Variants in BPIFB6 observed in about 807,000 individuals in gnomAD.
The protein encoded by BPIFB6 is BPI fold-containing family B member 6.
A neutral mutation model predicts 54.7 loss-of-function variants in BPIFB6; 47 were observed. That is an observed-to-expected ratio of 0.86 (90% CI 0.68 to 1.10). The LOEUF (loss-of-function observed/expected upper bound fraction) is 1.10, where lower values mean the gene tolerates loss of function less well. Ranked by LOEUF, BPIFB6 falls within the 50% of genes least tolerant of loss-of-function variation. The pLI is 0.00. For missense variants in BPIFB6, 603 were observed against 564.1 expected, an observed-to-expected ratio of 1.07 and a Z score of -0.70; for synonymous variants, 255 against 225.9, an observed-to-expected ratio of 1.13 and a Z score of -1.16.
At chr20:33,042,139 C>T in intron 12 of BPIFB6, 124 bp downstream of exon 12, 5 of 916,912 alleles carry the variant, frequency 5.5e-6, no homozygotes, top group East Asian at 2.6e-5. Context: ...CACTGTGAGG[C>T]GTGGCGCACC....
At chr20:33,035,509 C>A in intron 5 of BPIFB6, 103 bp from the exon 6 acceptor site, 2 of 1,239,806 alleles carry the variant, frequency 1.6e-6, no homozygotes, top group Non-Finnish European at 2.4e-6. Flanking sequence ...TCCCCAGTCC[C>A]TGTCCCACCA....
In BPIFB6 at chr20:33,032,997, C is replaced by G; in HGVS notation, c.111C>G (p.Ala37=). ...TCTCCACTCCAGAGGTCCAGAGCGC[C>G]ATGGATGAGAGTCATATCCTGGAGA... The part of the protein sequence containing the change: ...GMDIMNQVQS[A]MDESHILEKM... Residue 37 remains alanine, a synonymous_variant, in exon 2 of 15, where the codon GCC becomes GCG. Transcript: ENST00000349552. 1 of 1,613,784 alleles carries G rather than the reference C, an allele frequency of 6.2e-7. No homozygotes were observed. Among genetic ancestry groups the G allele is most frequent in the Non-Finnish European group, 8.5e-7 (1 of 1,179,794 alleles).
intron 1 of BPIFB6, among the ~76,000 whole-genome samples, chr20:33,032,460 C>T (rs1390753553): frequency 6.6e-6 from 1 of 152,102 alleles, no homozygotes; most frequent in Non-Finnish European, 1.5e-5. Context: ...AGAGGAGTCC[C>T]CTAATCACCT....
In BPIFB6 at chr20:33,039,604, A is replaced by T. The variant is rs796669572; in HGVS notation, c.1074+84A>T. The T allele has an allele frequency of 1.1e-5, 16 of 1,392,060 alleles. No individual in the cohort carries two copies. The African/African-American group carries it at 2.0e-4, about 18-fold the overall frequency. 86.2% of individuals were successfully genotyped at this position (1,392,060 alleles called of 1,614,324 possible). A position where few individuals can be genotyped will look rare whatever the true frequency, so the allele number is the denominator to read the frequency against. ...AGGATGGGATTTTTAGTTGACAGCC[A>T]AGTCATGGATCAGAGGGATCAGTTA... On this transcript the variant is annotated intron_variant, in intron 10 of 14. Transcript: ENST00000349552.
At chr20:33,035,962 T>C (rs1477395560) in intron 6 of BPIFB6, among the ~76,000 whole-genome samples, 2 of 152,142 alleles carry the variant, frequency 1.3e-5, no homozygotes, top group South Asian at 2.1e-4. Flanking sequence ...GCCTATGTAG[T>C]AATCCCGATG....
At position 33,031,891 on chromosome 20, in the gene BPIFB6, T is replaced by C. The variant is rs114528640; in HGVS notation, c.97+147T>C. 2.1e-3 allele frequency: 1,424 copies of C among 671,540 alleles called. 16 individuals are homozygous for C. The African/African-American group carries it at 0.022, about 11-fold the overall frequency. The allele number at this position is 671,540 out of a possible 1,614,324, so 41.6% of individuals were successfully genotyped here. On this transcript the variant is annotated intron_variant, in intron 1 of 14. Coordinates refer to ENST00000349552, the MANE Select transcript of BPIFB6 (RefSeq NM_174897.2). Reference sequence around the variant, plus strand: ...CAAGTGTTATTATTATTCTCCCACTTTACAGAGGGGAGAAACCAAGGACCA... The same window carrying C: ...CAAGTGTTATTATTATTCTCCCACTCTACAGAGGGGAGAAACCAAGGACCA...
intron 2 of BPIFB6, among the ~76,000 whole-genome samples, chr20:33,033,981 A>G (rs1979214085): frequency 6.6e-6 from 1 of 152,118 alleles, no homozygotes; most frequent in Non-Finnish European, 1.5e-5. Flanking sequence ...CTCCCATATA[A>G]TGAGTGCTTT....
chr20:33,043,316 C>G lies in BPIFB6; in HGVS notation c.1278C>G (p.Leu426=), dbSNP rs767988908. The G allele has an allele frequency of 6.8e-6, 11 of 1,614,182 alleles. No individual in the cohort carries two copies. The Admixed American group carries it at 1.0e-4, about 15-fold the overall frequency. The change falls in exon 14 of 15, where the codon CTC becomes CTG. Residue 426 remains leucine, a synonymous_variant. Transcript: ENST00000349552. ...VNDVLQVGLP[L]PDFLAMNYNL... The stretch of plus-strand genomic sequence containing the variant: ...ATGTGCTTCAAGTGGGGCTCCCACT[C>G]CCGGACTTTCTGGCCATGAATTACA...
chr20:33,043,260 A>C, intron 13 of BPIFB6, 31 bp from the exon 14 acceptor site: 2 of 1,600,272 alleles, frequency 1.2e-6, no homozygotes, highest in African/African-American at 2.7e-5. Flanking sequence ...CACAGCAGTC[A>C]GGCTGATATG....
chr20:33,038,895 C>T lies in BPIFB6; in HGVS notation c.847-14C>T. The T allele has an allele frequency of 6.2e-7, 1 of 1,614,010 alleles. No homozygotes were observed. Among genetic ancestry groups the T allele is most frequent in the Non-Finnish European group, 8.5e-7 (1 of 1,179,932 alleles). On this transcript the variant is annotated splice_polypyrimidine_tract_variant and intron_variant, in intron 8 of 14. Coordinates refer to ENST00000349552, the MANE Select transcript of BPIFB6 (RefSeq NM_174897.2). ...AGGACTCCAGCAACCCTAACCTTGA[C>T]TTTTATTCTGTAGATTGGTGAGCTG...
intron 7 of BPIFB6, among the ~76,000 whole-genome samples, chr20:33,036,750 T>C (rs1979359623): frequency 6.6e-6 from 1 of 152,212 alleles, no homozygotes; most frequent in Non-Finnish European, 1.5e-5. Flanking sequence ...AGCTGGCTTC[T>C]GGGGCTGCTG....
chr20:33,033,001 G>A lies in BPIFB6; in HGVS notation c.115G>A (p.Asp39Asn). Residue 39 changes from aspartate (D) to asparagine (N), a missense_variant, in exon 2 of 15, where the codon GAT (aspartate) becomes AAT (asparagine). Transcript: ENST00000349552. ...DIMNQVQSAM[D>N]ESHILEKMAA... ...CACTCCAGAGGTCCAGAGCGCCATG[G>A]ATGAGAGTCATATCCTGGAGAAGAT... is the stretch of plus-strand genomic sequence containing the variant. 6.2e-7 allele frequency: 1 copy of A among 1,613,992 alleles called. No individual in the cohort carries two copies. The highest frequency in any genetic ancestry group is 8.5e-7 in the Non-Finnish European group (1 of 1,179,886).
At chr20:33,037,875 C>A in intron 8 of BPIFB6, 137 bp downstream of exon 8, 1 of 915,526 alleles carries the variant, frequency 1.1e-6, no homozygotes, top group Non-Finnish European at 1.7e-6. Context: ...ATTTGAGTTT[C>A]TCTCAGCAGT....
chr20:33,032,790 G>A (rs1362570769), intron 1 of BPIFB6, among the ~76,000 whole-genome samples, 194 bp from the exon 2 acceptor site: 2 of 152,024 alleles, frequency 1.3e-5, no homozygotes, highest in Non-Finnish European at 2.9e-5. Context: ...CTAAACCCTC[G>A]TGCGGCTCCT....
intron 8 of BPIFB6, 125 bp downstream of exon 8, chr20:33,037,863 C>T (rs752450242): frequency 8.2e-5 from 86 of 1,050,804 alleles, no homozygotes; most frequent in Non-Finnish European, 1.1e-4. Flanking sequence ...GATGCAGGAC[C>T]GATTTGAGTT....
chr20:33,031,766 G>A, intron 1 of BPIFB6, 22 bp downstream of exon 1: 1 of 1,610,290 alleles, frequency 6.2e-7, no homozygotes, highest in Non-Finnish European at 8.5e-7. Context: ...GTGGGCCCGG[G>A]CGTGCAGCTG....
chr20:33,034,938 A>C, intron 4 of BPIFB6, 26 bp downstream of exon 4: 1 of 1,605,396 alleles, frequency 6.2e-7, no homozygotes, highest in African/African-American at 1.3e-5. Context: ...GCTGGGGAGG[A>C]AGGCCGGTCC....
intron 10 of BPIFB6, 34 bp downstream of exon 10, chr20:33,039,554 C>A: frequency 6.3e-7 from 1 of 1,583,294 alleles, no homozygotes; most frequent in Non-Finnish European, 8.6e-7. Context: ...CATTTATTCC[C>A]AATCTCTTGG....
At chr20:33,044,052 G>T, downstream of BPIFB6, 1 of 1,614,126 alleles carries the variant, frequency 6.2e-7, no homozygotes, top group Non-Finnish European at 8.5e-7. Flanking sequence ...GGCTGACCAT[G>T]GCAGGACTCC....
Sources: allele counts gnomAD v4.1 joint callset (sites outside exome capture counted in the v4.1 genomes callset), GRCh38; gene constraint gnomAD v4.1.1; transcripts MANE v1.5; gene names NCBI Gene and HGNC (gene_info 2026-07-23, HGNC 2026-07-21).